The following NEK11 variants were observed in gnomAD, a reference collection of about 807,000 sequenced individuals.
NEK11 encodes the protein NIMA related kinase 11.
Under a neutral mutation model 80.7 loss-of-function variants are expected in NEK11, and 72 were observed. That is an observed-to-expected ratio of 0.89 (90% CI 0.74 to 1.08). The LOEUF is 1.08. NEK11 is among the 50% of genes least tolerant of loss of function. NEK11 has a pLI of 0.00. For synonymous variants in NEK11, 251 were observed against 260.7 expected, an observed-to-expected ratio of 0.96 and a Z score of 0.36; for missense variants, 764 against 763.6, an observed-to-expected ratio of 1.00 and a Z score of -0.01.
At chr3:131,220,974 A>G (rs1020886962) in intron 14 of NEK11, among the ~76,000 whole-genome samples, 3 of 152,158 alleles carry the variant, frequency 2.0e-5, no homozygotes, top group African/African-American at 7.2e-5. Flanking sequence ...AGTATGTGAA[A>G]AAGAGGAAAG....
chr3:131,300,611 T>A (rs1333325346), intron 17 of NEK11, among the ~76,000 whole-genome samples: 1 of 152,194 alleles, frequency 6.6e-6, no homozygotes, highest in African/African-American at 2.4e-5. Context: ...TAGCCAGTTA[T>A]CCCAACACCA....
chr3:131,222,611 A>G (rs1445654568), intron 14 of NEK11, among the ~76,000 whole-genome samples: 2 of 152,228 alleles, frequency 1.3e-5, no homozygotes, highest in East Asian at 3.8e-4. Context: ...TTTAACATAC[A>G]AAGGTTGAAA....
chr3:131,098,879 A>G (rs1040579011), intron 4 of NEK11, among the ~76,000 whole-genome samples: 1 of 151,488 alleles, frequency 6.6e-6, no homozygotes, highest in African/African-American at 2.4e-5. Flanking sequence ...TGGATATTAA[A>G]CGTTTGTTGG....
intron 14 of NEK11, among the ~76,000 whole-genome samples, chr3:131,171,824 A>G (rs551163734): frequency 5.9e-5 from 9 of 152,306 alleles, no homozygotes; most frequent in South Asian, 4.1e-4. Context: ...ATTTCCAGGA[A>G]CATGCTAAGC....
chr3:131,287,499 C>T (rs966691887), intron 17 of NEK11, among the ~76,000 whole-genome samples: 1 of 152,164 alleles, frequency 6.6e-6, no homozygotes, highest in Non-Finnish European at 1.5e-5. Flanking sequence ...GTCTCGAACT[C>T]CTGACCTCAG....
chr3:131,333,431 AC>A (rs2097128633), intron 17 of NEK11, among the ~76,000 whole-genome samples: 2 of 152,176 alleles, frequency 1.3e-5, no homozygotes, highest in Non-Finnish European at 2.9e-5. Flanking sequence ...AGATTTTGTC[AC>A]CACCAGGCCT....
rs1330096071 is a variant in NEK11 at position 131,058,965 on chromosome 3, AAATT to A, written c.171-21455_171-21452del. Among the ~76,000 whole-genome samples the A allele has an allele frequency of 3.3e-5, 5 of 152,324 alleles. No individual in the cohort carries two copies. The East Asian group carries it at 7.7e-4, about 23-fold the overall frequency. On this transcript the variant is annotated intron_variant, in intron 3 of 17. Transcript: ENST00000383366. Reference sequence around the variant, plus strand: ...AATAGTGTAACTTTTTCTTTTGAAAAAATTAAGTACTTCAAAAGCATCTTTTCAT... The same window carrying A: ...AATAGTGTAACTTTTTCTTTTGAAAAAAGTACTTCAAAAGCATCTTTTCAT...
chr3:131,346,532 G>A (rs985447880), intron 17 of NEK11, among the ~76,000 whole-genome samples: 2 of 152,090 alleles, frequency 1.3e-5, no homozygotes, highest in Admixed American at 1.3e-4. Context: ...TACAGCCATG[G>A]AGTAGGTATA....
intron 4 of NEK11, among the ~76,000 whole-genome samples, chr3:131,104,398 G>C (rs1299976096): frequency 6.6e-6 from 1 of 152,148 alleles, no homozygotes; most frequent in African/African-American, 2.4e-5. Context: ...CTGCCTTACT[G>C]TATGGCAGCT....
intron 14 of NEK11, among the ~76,000 whole-genome samples, chr3:131,206,069 G>C (rs909807741): frequency 2.0e-5 from 3 of 152,198 alleles, no homozygotes; most frequent in African/African-American, 7.2e-5. Context: ...TATGGTTACA[G>C]TATAACACAG....
At chr3:131,065,028 C>T (rs1325148134) in intron 3 of NEK11, among the ~76,000 whole-genome samples, 1 of 152,198 alleles carries the variant, frequency 6.6e-6, no homozygotes, top group East Asian at 1.9e-4. Context: ...AAAACCCTGG[C>T]ATGTACAAGG....
chr3:131,119,113 A>G (rs976200933), intron 5 of NEK11, among the ~76,000 whole-genome samples: 3 of 152,200 alleles, frequency 2.0e-5, no homozygotes, highest in Admixed American at 6.5e-5. Flanking sequence ...ATTTAGTGCT[A>G]TGAATTTCCC....
At chr3:131,049,963 CAA>C (rs5852614) in intron 3 of NEK11, among the ~76,000 whole-genome samples, 23,719 of 131,890 alleles carry the variant, frequency 0.18, 1,983 homozygotes, top group Non-Finnish European at 0.21. Context: ...TGTTTCAGTC[CAA>C]AAAAAAAAAA....
intron 9 of NEK11, among the ~76,000 whole-genome samples, chr3:131,153,443 A>G (rs1475540190): frequency 6.6e-6 from 1 of 152,202 alleles, no homozygotes; most frequent in African/African-American, 2.4e-5. Flanking sequence ...TTTGACATAG[A>G]GGCTGTGTCT....
At chr3:131,313,275 T>C (rs1187910821) in intron 17 of NEK11, among the ~76,000 whole-genome samples, 2 of 152,220 alleles carry the variant, frequency 1.3e-5, no homozygotes, top group Non-Finnish European at 2.9e-5. Flanking sequence ...GGTGCTGCAG[T>C]GAATATACAC....
chr3:131,044,716 G>A (rs982070332), intron 3 of NEK11, among the ~76,000 whole-genome samples: 5 of 152,042 alleles, frequency 3.3e-5, no homozygotes, highest in Non-Finnish European at 7.4e-5. Flanking sequence ...AGATCAACAA[G>A]ACAGAAAATT....
At chr3:131,126,421 T>A (rs1343076094) in intron 5 of NEK11, among the ~76,000 whole-genome samples, 1 of 152,224 alleles carries the variant, frequency 6.6e-6, no homozygotes, top group Non-Finnish European at 1.5e-5. Context: ...CTCATCCTTT[T>A]ATAATAGTTT....
At chr3:131,250,377 A>G (rs1484242861) in intron 16 of NEK11, among the ~76,000 whole-genome samples, 10 of 152,124 alleles carry the variant, frequency 6.6e-5, no homozygotes, top group Admixed American at 2.0e-4. Flanking sequence ...ACTAAAAGCT[A>G]GAAGATAATA....
intron 17 of NEK11, among the ~76,000 whole-genome samples, chr3:131,279,393 G>T (rs1269696671): frequency 6.6e-6 from 1 of 152,000 alleles, no homozygotes; most frequent in African/African-American, 2.4e-5. Context: ...TTTTAATAAG[G>T]AGTATATAAT....
Sources: gnomAD v4.1 joint callset for allele counts (sites outside exome capture counted in the v4.1 genomes callset) on GRCh38, gnomAD v4.1.1 for gene constraint, MANE v1.5 for transcripts, NCBI Gene and HGNC (gene_info 2026-07-23, HGNC 2026-07-21) for gene names.